The following ANKFN1 variants were observed in gnomAD, a reference collection of about 807,000 sequenced individuals.
ANKFN1 encodes ankyrin repeat and fibronectin type III domain containing 1, also known as ankyrin repeat and fibronectin type-III domain-containing protein 1.
Under a neutral mutation model 108.7 loss-of-function variants are expected in ANKFN1, and 74 were observed. The ratio of observed to expected loss-of-function variants is 0.68; its 90% CI spans 0.56 to 0.83. ANKFN1 has a LOEUF of 0.83. Ranked by LOEUF, ANKFN1 falls within the 40% of genes least tolerant of loss-of-function variation. The pLI is 0.00. For synonymous variants in ANKFN1, 547 were observed against 516.2 expected (o/e 1.06, Z -0.81); for missense variants, 1,505 against 1,382.3 (o/e 1.09, Z -1.41).
intron 8 of ANKFN1, among the ~76,000 whole-genome samples, chr17:56,390,592 T>C (rs914764561): frequency 6.6e-6 from 1 of 152,204 alleles, no homozygotes; most frequent in Admixed American, 6.5e-5. Flanking sequence ...AAATAGTATT[T>C]ATGGTTCTAG....
upstream of ANKFN1, among the ~76,000 whole-genome samples, chr17:56,149,561 C>A (rs1410391673): frequency 6.6e-6 from 1 of 152,178 alleles, no homozygotes; most frequent in Non-Finnish European, 1.5e-5. Flanking sequence ...GCAGGGCAGC[C>A]ACTGTGAATG....
intron 4 of ANKFN1, among the ~76,000 whole-genome samples, chr17:56,089,814 C>T (rs975669265): frequency 4.0e-5 from 6 of 151,196 alleles, no homozygotes; most frequent in Non-Finnish European, 7.4e-5. Flanking sequence ...ATTTACCAGC[C>T]GGGTCATCTC....
intron 4 of ANKFN1, among the ~76,000 whole-genome samples, chr17:56,140,816 G>A (rs1490863188): frequency 6.6e-6 from 1 of 152,092 alleles, no homozygotes; most frequent in Non-Finnish European, 1.5e-5. Flanking sequence ...CTTACCCTAT[G>A]TTCACTACTA....
At chr17:56,419,637 TA>T (rs747092576) in intron 8 of ANKFN1, among the ~76,000 whole-genome samples, 1 of 150,014 alleles carries the variant, frequency 6.7e-6, no homozygotes, top group African/African-American at 2.4e-5. Context: ...CCATGAAAAA[TA>T]AAAAACAAAA....
intron 14 of ANKFN1, chr17:56,462,071 G>A (rs2049919887): frequency 1.3e-5 from 2 of 152,136 alleles, no homozygotes; most frequent in African/African-American, 4.8e-5. Flanking sequence ...CTAGTTCAAT[G>A]ATAAAAGTTG....
intron 3 of ANKFN1, among the ~76,000 whole-genome samples, chr17:56,253,696 C>T (rs1026226586): frequency 6.6e-6 from 1 of 152,056 alleles, no homozygotes; most frequent in Admixed American, 6.6e-5. Context: ...CCGAGATCAC[C>T]CCGCTGCACT....
chr17:56,363,083 CCTGTAATCCCAGCTA>C lies in ANKFN1; in HGVS notation c.601+9055_601+9069del, dbSNP rs772762907. ...AATTTGCTGAGCATGGTGGCAGGTG[CCTGTAATCCCAGCTA>C]CTGTAATCCCAGCTACTCGGGAGGC... On this transcript the variant is annotated intron_variant, in intron 6 of 20. Coordinates refer to ENST00000682825, the MANE Select transcript of ANKFN1 (RefSeq NM_001370326.1). 2.1e-4 allele frequency among the ~76,000 whole-genome samples: 32 copies of C among 151,890 alleles called. 7 individuals carry two copies. The highest frequency in any genetic ancestry group is 4.2e-4 in the South Asian group (2 of 4,790).
chr17:56,337,636 G>A (rs563813785), intron 4 of ANKFN1, among the ~76,000 whole-genome samples: 1 of 152,250 alleles, frequency 6.6e-6, no homozygotes, highest in Non-Finnish European at 1.5e-5. Flanking sequence ...ATCAAAAAGT[G>A]GGCAAAGGAT....
rs1036772721 is a variant in ANKFN1 at position 56,511,334 on chromosome 17, C to G, written c.*65C>G. On this transcript the variant is annotated 3_prime_UTR_variant, in exon 21 of 21. Transcript: ENST00000682825. Reference sequence around the variant, plus strand: ...CCTGCGTTTTACATCACCCTTACCCCCATCCTGCCCCACTGTGTACCCACT... The same window carrying G: ...CCTGCGTTTTACATCACCCTTACCCGCATCCTGCCCCACTGTGTACCCACT... 7.2e-7 allele frequency: 1 copy of G among 1,385,302 alleles called. No individual in the cohort carries two copies. Among genetic ancestry groups the G allele is most frequent in the South Asian group, 1.4e-5 (1 of 69,272 alleles). The allele number at this position is 1,385,302 out of a possible 1,614,324, so 85.8% of individuals were successfully genotyped here.
At chr17:56,484,486 A>G (rs1255794813) in intron 18 of ANKFN1, among the ~76,000 whole-genome samples, 1 of 152,236 alleles carries the variant, frequency 6.6e-6, no homozygotes, top group African/African-American at 2.4e-5. Context: ...TTCAATGACT[A>G]TGAGGCTATT....
chr17:56,310,549 G>A (rs963003909), intron 3 of ANKFN1, among the ~76,000 whole-genome samples: 1 of 151,714 alleles, frequency 6.6e-6, no homozygotes, highest in African/African-American at 2.4e-5. Context: ...GCTGGGAGGC[G>A]GAGCTTGCAG....
intron 4 of ANKFN1, among the ~76,000 whole-genome samples, chr17:56,086,666 C>T (rs1428379652): frequency 6.6e-6 from 1 of 151,176 alleles, no homozygotes; most frequent in African/African-American, 2.4e-5. Context: ...GTCCTGGCTT[C>T]CAGAAACACT....
chr17:56,391,116 C>T (rs1379992256), intron 8 of ANKFN1, among the ~76,000 whole-genome samples: 2 of 150,154 alleles, frequency 1.3e-5, no homozygotes, highest in East Asian at 3.9e-4. Flanking sequence ...AGATTTAGAC[C>T]AGGAATTCTC....
In ANKFN1 at chr17:56,374,649, C is replaced by T. The variant is rs771148583; in HGVS notation, c.845C>T (p.Thr282Ile). The T allele has an allele frequency of 6.2e-7, 1 of 1,613,966 alleles. No homozygotes were observed. Among genetic ancestry groups the T allele is most frequent in the Non-Finnish European group, 8.5e-7 (1 of 1,179,854 alleles). The change falls in exon 8 of 21, where the codon ACA becomes ATA. Residue 282 changes from threonine to isoleucine, a missense_variant. Thr to Ile is a moderately conservative substitution (Grantham distance 89, BLOSUM62 -1). Transcript: ENST00000682825. ...GTCTGTCTCATGGTAACCAGCAGCA[C>T]ATCACTCACTGTCAGCTTCCAAGAG... ...TNVCLMVTSS[T>I]SLTVSFQEPL...
At chr17:56,383,117 A>G (rs187622959) in intron 8 of ANKFN1, among the ~76,000 whole-genome samples, 1 of 152,352 alleles carries the variant, frequency 6.6e-6, no homozygotes, top group Non-Finnish European at 1.5e-5. Context: ...AATAGAAATT[A>G]TAACAAACTG....
chr17:56,503,512 T>C (rs912078664), intron 20 of ANKFN1, among the ~76,000 whole-genome samples: 1 of 135,802 alleles, frequency 7.4e-6, no homozygotes, highest in East Asian at 2.0e-4. Context: ...TATATATATA[T>C]ATATATATAT....
At chr17:56,302,513 T>A (rs1305961887) in intron 3 of ANKFN1, among the ~76,000 whole-genome samples, 3 of 115,234 alleles carry the variant, frequency 2.6e-5, no homozygotes, top group Non-Finnish European at 4.9e-5. Context: ...AGACCTAGCC[T>A]CTACAAAAAA....
At chr17:56,078,858 A>T (rs1905212470) in intron 4 of ANKFN1, among the ~76,000 whole-genome samples, 1 of 152,206 alleles carries the variant, frequency 6.6e-6, no homozygotes, top group South Asian at 2.1e-4. Flanking sequence ...TTTCTTGAGT[A>T]AAGCACAGTT....
At chr17:56,059,656 A>G (rs1039639855) in intron 4 of ANKFN1, among the ~76,000 whole-genome samples, 2 of 152,172 alleles carry the variant, frequency 1.3e-5, no homozygotes, top group African/African-American at 4.8e-5. Context: ...GCATATGGCT[A>G]GCCAGTTTTC....
Sources: allele counts gnomAD v4.1 joint callset (sites outside exome capture counted in the v4.1 genomes callset), GRCh38; gene constraint gnomAD v4.1.1; transcripts MANE v1.5; gene names NCBI Gene and HGNC (gene_info 2026-07-23, HGNC 2026-07-21).